Variants in HSD11B1 observed in about 807,000 individuals in gnomAD.
HSD11B1 encodes the protein 11-beta-hydroxysteroid dehydrogenase 1.
HSD11B1 carries 15 observed loss-of-function variants against 22.1 expected under a neutral mutation model. The observed-to-expected ratio is 0.68, with a 90% CI of 0.45 to 1.04. The LOEUF (loss-of-function observed/expected upper bound fraction) is 1.04. Among genes scored for constraint, HSD11B1 ranks in the 50% least tolerant of loss-of-function variants. The pLI is 0.00. For synonymous variants in HSD11B1, 122 were observed against 125.2 expected, an observed-to-expected ratio of 0.97 and a Z score of 0.17; for missense variants, 281 against 357.6, an observed-to-expected ratio of 0.79 and a Z score of 1.73.
intron 1 of HSD11B1, 101 bp from the exon 2 acceptor site, chr1:209,705,710 T>G: frequency 9.6e-6 from 14 of 1,451,006 alleles, no homozygotes; most frequent in Non-Finnish European, 1.3e-5. Flanking sequence ...CTCATAACCT[T>G]TAAGTTACAA....
intron 4 of HSD11B1, among the ~76,000 whole-genome samples, chr1:209,709,080 T>A (rs548961024): frequency 6.6e-6 from 1 of 152,338 alleles, no homozygotes; most frequent in African/African-American, 2.4e-5. Flanking sequence ...TCCTTCCTCT[T>A]TAAAATCTAA....
At chr1:209,721,944 G>A (rs1415133154) in intron 4 of HSD11B1, among the ~76,000 whole-genome samples, 1 of 152,172 alleles carries the variant, frequency 6.6e-6, no homozygotes, top group Non-Finnish European at 1.5e-5. Flanking sequence ...TAATGCTATT[G>A]AGGCCCCTCT....
At chr1:209,718,742 T>C (rs888469561) in intron 4 of HSD11B1, among the ~76,000 whole-genome samples, 2 of 152,024 alleles carry the variant, frequency 1.3e-5, no homozygotes, top group Admixed American at 6.6e-5. Context: ...CACAGAAGAA[T>C]TGAAAGCAGG....
Position 209,730,522 on chromosome 1 carries a change from C to T in HSD11B1, c.518-1914C>T, listed in dbSNP as rs76138802. ...AACTATTACGTTGCATGGCCTATTA[C>T]GGCAAGAAAATCTCAGGGAGATGAG... On this transcript the variant is annotated intron_variant, in intron 4 of 5. Transcript: ENST00000367027. 3.7e-3 allele frequency among the ~76,000 whole-genome samples: 557 copies of T among 152,238 alleles called. 15 individuals are homozygous for T. In the East Asian group the frequency reaches 0.041, roughly 11 times the overall value.
chr1:209,715,543 G>A (rs956153320), intron 4 of HSD11B1, among the ~76,000 whole-genome samples: 2 of 152,126 alleles, frequency 1.3e-5, no homozygotes, highest in Non-Finnish European at 2.9e-5. Context: ...CTGCTCAAAG[G>A]ATAATAGGCA....
At chr1:209,725,222 T>C (rs1198482884) in intron 4 of HSD11B1, among the ~76,000 whole-genome samples, 1 of 152,210 alleles carries the variant, frequency 6.6e-6, no homozygotes, top group East Asian at 1.9e-4. Flanking sequence ...TAAAATTCCA[T>C]AATACATCTG....
chr1:209,702,123 G>C (rs2076829942), upstream of HSD11B1, among the ~76,000 whole-genome samples: 1 of 152,206 alleles, frequency 6.6e-6, no homozygotes, highest in African/African-American at 2.4e-5. Context: ...TACTTGACTT[G>C]AAACAAATGC....
At chr1:209,724,939 T>C in intron 4 of HSD11B1, among the ~76,000 whole-genome samples, 1 of 152,130 alleles carries the variant, frequency 6.6e-6, no homozygotes, top group East Asian at 1.9e-4. Context: ...TATCTGCAAT[T>C]CCAAAATCCA....
chr1:209,728,393 T>C (rs1273552141), intron 4 of HSD11B1, among the ~76,000 whole-genome samples: 11 of 152,202 alleles, frequency 7.2e-5, no homozygotes, highest in Non-Finnish European at 1.6e-4. Flanking sequence ...ATGCTTTCTA[T>C]GTGCCAGAGT....
intron 1 of HSD11B1, among the ~76,000 whole-genome samples, chr1:209,692,822 A>G (rs1332024315): frequency 6.6e-6 from 1 of 152,184 alleles, no homozygotes; most frequent in East Asian, 1.9e-4. Context: ...GGTGGGGTCT[A>G]AGGATCTGCC....
intron 4 of HSD11B1, among the ~76,000 whole-genome samples, chr1:209,731,106 A>G (rs1278190514): frequency 1.3e-5 from 2 of 152,252 alleles, no homozygotes; most frequent in Non-Finnish European, 2.9e-5. Flanking sequence ...TGGAATGCAA[A>G]GGGGTTATGC....
intron 1 of HSD11B1, among the ~76,000 whole-genome samples, chr1:209,697,713 G>T (rs1380969676): frequency 2.0e-5 from 3 of 151,982 alleles, no homozygotes; most frequent in Non-Finnish European, 4.4e-5. Flanking sequence ...GGTAAAGGTA[G>T]ACCAGATGGC....
rs1389426902 is a variant in HSD11B1, at chr1:209,734,596, T to C, written c.*75T>C. 1.5e-5 allele frequency: 16 copies of C among 1,086,468 alleles called. No individual in the cohort carries two copies. The highest frequency in any genetic ancestry group is 4.6e-5 in the African/African-American group (3 of 64,662). 67.3% of individuals were successfully genotyped at this position (1,086,468 alleles called of 1,614,324 possible). A position where few individuals can be genotyped will look rare whatever the true frequency, so the allele number is the denominator to read the frequency against. On this transcript the variant is annotated 3_prime_UTR_variant, in exon 6 of 6. Coordinates refer to ENST00000367027, the MANE Select transcript of HSD11B1 (RefSeq NM_005525.4). ...TCATGTTTATCTGAGCTCTTATCTA[T>C]GAAGACATCTTCCCAGAGTGTCCCC...
chr1:209,712,754 A>G (rs1173492579), intron 4 of HSD11B1, among the ~76,000 whole-genome samples: 3 of 152,210 alleles, frequency 2.0e-5, no homozygotes, highest in African/African-American at 4.8e-5. Context: ...CAGAAGCCTT[A>G]AGAATGTTTC....
upstream of HSD11B1, among the ~76,000 whole-genome samples, chr1:209,701,047 T>TCTGAA (rs2076823610): frequency 6.6e-6 from 1 of 152,222 alleles, no homozygotes; most frequent in African/African-American, 2.4e-5. Context: ...CCTGTCTTCT[T>TCTGAA]CTGAGCCCTC....
upstream of HSD11B1, among the ~76,000 whole-genome samples, chr1:209,701,246 T>A (rs1299269215): frequency 1.3e-5 from 2 of 152,204 alleles, no homozygotes; most frequent in African/African-American, 4.8e-5. Context: ...TCCACATGGC[T>A]GGGGAGGCCT....
rs79396959 is a variant in HSD11B1, at chr1:209,721,176, A to T, written c.518-11260A>T. ...CATTGATTTCAGACTTCTTGACTCC[A>T]GCACTGTGAGAGAATAAATTTCTGT... On this transcript the variant is annotated intron_variant, in intron 4 of 5. Coordinates refer to ENST00000367027, the MANE Select transcript of HSD11B1 (RefSeq NM_005525.4). 3.5e-3 allele frequency among the ~76,000 whole-genome samples: 535 copies of T among 152,332 alleles called. 13 individuals are homozygous for T. The East Asian group carries it at 0.041, about 12-fold the overall frequency.
chr1:209,692,322 T>G (rs952196703), intron 1 of HSD11B1, among the ~76,000 whole-genome samples: 2 of 152,098 alleles, frequency 1.3e-5, no homozygotes, highest in Non-Finnish European at 2.9e-5. Flanking sequence ...AAAACAGGTT[T>G]TAATCGGGAC....
chr1:209,691,467 G>A (rs2076759211), intron 1 of HSD11B1, among the ~76,000 whole-genome samples: 1 of 152,160 alleles, frequency 6.6e-6, no homozygotes, highest in Non-Finnish European at 1.5e-5. Context: ...GGGAACAGGA[G>A]GACTAAAGTC....
Sources: gnomAD v4.1 joint callset for allele counts (sites outside exome capture counted in the v4.1 genomes callset) on GRCh38, gnomAD v4.1.1 for gene constraint, MANE v1.5 for transcripts, NCBI Gene and HGNC (gene_info 2026-07-23, HGNC 2026-07-21) for gene names.